DLGAP2: variants seen among roughly 807,000 people sequenced by gnomAD.
DLGAP2 encodes DLG associated protein 2.
DLGAP2 carries 26 observed loss-of-function variants against 100.3 expected under a neutral mutation model. The ratio of observed to expected loss-of-function variants is 0.26; its 90% CI spans 0.19 to 0.36. The LOEUF is 0.36. Among genes scored for constraint, DLGAP2 ranks in the 10% least tolerant of loss-of-function variants. The probability of loss-of-function intolerance (pLI) is 1.00; values close to 1 mark genes in which losing one functional copy is unlikely to be tolerated. For missense variants in DLGAP2, 1,858 were observed against 1,453.2 expected (o/e 1.28, Z -4.53); for synonymous variants, 886 against 630.1 (o/e 1.41, Z -6.08).
At chr8:1,560,855 G>A (rs73546211) in intron 5 of DLGAP2, among the ~76,000 whole-genome samples, 7,863 of 152,296 alleles carry the variant, frequency 0.052, 231 homozygotes, top group South Asian at 0.1. Flanking sequence ...ACCTGCTGTG[G>A]CTGAGGCCCC....
At chr8:1,495,260 C>G (rs1467084697) in intron 3 of DLGAP2, among the ~76,000 whole-genome samples, 3 of 151,640 alleles carry the variant, frequency 2.0e-5, no homozygotes, top group Non-Finnish European at 4.4e-5. Flanking sequence ...AGAAGCGACA[C>G]CAGACAGCCA....
chr8:1,667,586 T>C (rs1211025498), intron 8 of DLGAP2, among the ~76,000 whole-genome samples: 13 of 152,348 alleles, frequency 8.5e-5, no homozygotes, highest in Non-Finnish European at 1.8e-4. Flanking sequence ...TTCGTTATAA[T>C]GATTTTTAGA....
Position 883,663 on chromosome 8 carries a change from A to G in DLGAP2, c.19-24249A>G, listed in dbSNP as rs556082769. ...CGGGTGCCGCGGCGGTTCGTTACGT[A>G]GGTGCGCGTGTGCCGCGGCGGTTCG... is the stretch of plus-strand genomic sequence containing the variant. On this transcript the variant is annotated intron_variant, in intron 1 of 14. Transcript: ENST00000637795. Among the ~76,000 whole-genome samples, 32 of 151,240 alleles carry G rather than the reference A, an allele frequency of 2.1e-4. No homozygotes were observed. The South Asian group carries it at 6.5e-3, about 31-fold the overall frequency.
intron 2 of DLGAP2, 30 bp from the exon 3 acceptor site, chr8:1,258,821 G>A (rs757784690): frequency 5.1e-5 from 63 of 1,231,498 alleles, no homozygotes; most frequent in Non-Finnish European, 5.8e-5. Context: ...CCCTGTGGGT[G>A]TAACAGCTTC....
At position 824,765 on chromosome 8, in the gene DLGAP2, A is replaced by C. The variant is rs573611761; in HGVS notation, c.19-83147A>C. Among the ~76,000 whole-genome samples the C allele has an allele frequency of 4.6e-5, 7 of 152,260 alleles. No homozygotes were observed. The South Asian group carries it at 1.5e-3, about 32-fold the overall frequency. ...CAGACATGCTGCCCTCATCAGCAGCAAAAGAAGCTCTCCTGCACCCCAGGG... is the reference window on the plus strand; with the variant it reads ...CAGACATGCTGCCCTCATCAGCAGCCAAAGAAGCTCTCCTGCACCCCAGGG... On this transcript the variant is annotated intron_variant, in intron 1 of 14. Coordinates refer to ENST00000637795, the MANE Select transcript of DLGAP2 (RefSeq NM_001346810.2).
intron 3 of DLGAP2, among the ~76,000 whole-genome samples, chr8:1,429,161 T>G (rs911453955): frequency 9.9e-5 from 15 of 152,158 alleles, no homozygotes; most frequent in African/African-American, 3.4e-4. Flanking sequence ...TACTTAGAGT[T>G]AATTGATAGT....
intron 2 of DLGAP2, among the ~76,000 whole-genome samples, chr8:1,132,542 C>T (rs1269055795): frequency 6.6e-6 from 1 of 152,210 alleles, no homozygotes; most frequent in Non-Finnish European, 1.5e-5. Context: ...CTTACTGTAG[C>T]ATATATGTGT....
intron 1 of DLGAP2, among the ~76,000 whole-genome samples, chr8:801,285 C>T (rs1383559934): frequency 1.3e-5 from 2 of 152,190 alleles, no homozygotes; most frequent in Non-Finnish European, 2.9e-5. Context: ...ATAAGAAAAG[C>T]ATCTCCGTGA....
intron 3 of DLGAP2, among the ~76,000 whole-genome samples, chr8:1,279,487 G>A (rs1012879395): frequency 6.6e-6 from 1 of 152,230 alleles, no homozygotes; most frequent in African/African-American, 2.4e-5. Flanking sequence ...CCAAGAAGGT[G>A]CTGCGGAGGG....
chr8:1,145,175 TC>T (rs1563214920), intron 2 of DLGAP2, among the ~76,000 whole-genome samples: 1 of 151,744 alleles, frequency 6.6e-6, no homozygotes, highest in African/African-American at 2.4e-5. Context: ...AACACAACTT[TC>T]CCCCCAGCCA....
At chr8:789,264 G>A (rs1427961020) in intron 1 of DLGAP2, among the ~76,000 whole-genome samples, 2 of 152,216 alleles carry the variant, frequency 1.3e-5, no homozygotes, top group Non-Finnish European at 2.9e-5. Context: ...CAGGATTTGC[G>A]GGAAGCATGG....
At chr8:1,666,917 C>T (rs1002183004) in intron 8 of DLGAP2, among the ~76,000 whole-genome samples, 3 of 152,184 alleles carry the variant, frequency 2.0e-5, no homozygotes, top group Non-Finnish European at 4.4e-5. Flanking sequence ...CAGCAGCCGG[C>T]AGCTGCTCTC....
intron 2 of DLGAP2, among the ~76,000 whole-genome samples, chr8:1,015,139 CTG>C (rs750989859): frequency 3.3e-3 from 50 of 15,056 alleles, no homozygotes; most frequent in East Asian, 5.4e-3. Context: ...GATGCCTCCA[CTG>C]TGTGTGTGAC....
chr8:1,662,911 C>T (rs1180937679), intron 8 of DLGAP2, among the ~76,000 whole-genome samples: 3 of 117,608 alleles, frequency 2.6e-5, no homozygotes, highest in South Asian at 2.9e-4. Context: ...GTGGGGGATG[C>T]ATGTCTGTGT....
At chr8:990,425 T>TCCACTCCCATACTC (rs1800641123) in intron 2 of DLGAP2, among the ~76,000 whole-genome samples, 1 of 43,600 alleles carries the variant, frequency 2.3e-5, no homozygotes, top group African/African-American at 1.0e-4. Context: ...CCAGACCCCC[T>TCCACTCCCATACTC]GCACCCCCAT....
intron 2 of DLGAP2, among the ~76,000 whole-genome samples, chr8:1,182,239 G>C (rs921647165): frequency 5.9e-5 from 9 of 152,344 alleles, no homozygotes; most frequent in African/African-American, 2.2e-4. Flanking sequence ...CAGGGGCTTG[G>C]GGGCGACTGC....
chr8:1,092,275 C>T (rs938925065), intron 2 of DLGAP2, among the ~76,000 whole-genome samples: 3 of 152,212 alleles, frequency 2.0e-5, no homozygotes, highest in Admixed American at 2.0e-4. Flanking sequence ...CAGAGCCTGG[C>T]ATTTCCACTG....
chr8:1,292,021 A>C (rs1695105038), intron 3 of DLGAP2, among the ~76,000 whole-genome samples: 1 of 152,238 alleles, frequency 6.6e-6, no homozygotes, highest in Non-Finnish European at 1.5e-5. Context: ...CTAGGGGTTG[A>C]AATGTTTAGA....
chr8:1,447,734 T>A (rs959619709), intron 3 of DLGAP2, among the ~76,000 whole-genome samples: 1 of 152,240 alleles, frequency 6.6e-6, no homozygotes, highest in Non-Finnish European at 1.5e-5. Flanking sequence ...TTTTGGTTGG[T>A]AAGCTATTGA....
Sources: allele counts gnomAD v4.1 joint callset (sites outside exome capture counted in the v4.1 genomes callset), GRCh38; gene constraint gnomAD v4.1.1; transcripts MANE v1.5; gene names NCBI Gene and HGNC (gene_info 2026-07-23, HGNC 2026-07-21).